ST13: variants seen among roughly 807,000 people sequenced by gnomAD.
ST13 encodes the protein hsc70-interacting protein.
In ST13, 23 loss-of-function variants were observed where a neutral mutation model predicts 56.7. The ratio of observed to expected loss-of-function variants is 0.41; its 90% CI spans 0.29 to 0.57. The LOEUF is 0.57. Ranked by LOEUF, ST13 falls within the 20% of genes least tolerant of loss-of-function variation. The pLI is 0.36. For synonymous variants in ST13, 132 were observed against 142.4 expected (o/e 0.93, Z 0.52); for missense variants, 369 against 459.9 (o/e 0.80, Z 1.81).
chr22:40,832,494 AC>A, intron 8 of ST13, 74 bp downstream of exon 8: 1 of 1,057,636 alleles, frequency 9.5e-7, no homozygotes, highest in South Asian at 1.3e-5. Context: ...CAGATGAATT[AC>A]AGCTGTCGGG....
At chr22:40,847,103 G>C (rs1303113150) in intron 3 of ST13, among the ~76,000 whole-genome samples, 1 of 152,138 alleles carries the variant, frequency 6.6e-6, no homozygotes, top group African/African-American at 2.4e-5. Context: ...AATTCATGAA[G>C]AAATTTAGTC....
At chr22:40,833,646 C>G (rs1024505453) in intron 7 of ST13, among the ~76,000 whole-genome samples, 2 of 151,738 alleles carry the variant, frequency 1.3e-5, no homozygotes, top group African/African-American at 4.8e-5. Flanking sequence ...GAGGCTGAGG[C>G]TGGTGGATCA....
chr22:40,842,707 C>G, intron 4 of ST13, among the ~76,000 whole-genome samples: 1 of 152,188 alleles, frequency 6.6e-6, no homozygotes, highest in Non-Finnish European at 1.5e-5. Context: ...GAATTTGATG[C>G]TCACTGAATC....
chr22:40,828,258 A>G (rs963973745), intron 10 of ST13, among the ~76,000 whole-genome samples: 1 of 152,182 alleles, frequency 6.6e-6, no homozygotes, highest in African/African-American at 2.4e-5. Flanking sequence ...CTGTTCTTCA[A>G]TATCATAAAC....
intron 1 of ST13, among the ~76,000 whole-genome samples, chr22:40,853,898 C>T (rs2057874946): frequency 6.6e-6 from 1 of 152,104 alleles, no homozygotes; most frequent in African/African-American, 2.4e-5. Context: ...ATGCTTCTGT[C>T]TCTAAAAAGG....
At chr22:40,836,461 A>C (rs933683686) in intron 5 of ST13, among the ~76,000 whole-genome samples, 1 of 152,138 alleles carries the variant, frequency 6.6e-6, no homozygotes, top group South Asian at 2.1e-4. Flanking sequence ...AAAAATAAAA[A>C]TAAAAGAAAA....
At chr22:40,844,460 T>A (rs1181878739) in intron 4 of ST13, among the ~76,000 whole-genome samples, 2 of 152,170 alleles carry the variant, frequency 1.3e-5, no homozygotes, top group African/African-American at 4.8e-5. Flanking sequence ...ATATAGAATT[T>A]TTTTTAAGCC....
At chr22:40,840,763 G>A (rs2057800469) in intron 4 of ST13, 71 bp from the exon 5 acceptor site, 1 of 1,305,098 alleles carries the variant, frequency 7.7e-7, no homozygotes, top group Non-Finnish European at 1.1e-6. Context: ...TACTTTCTTA[G>A]GGATGAGGCG....
chr22:40,836,324 C>A (rs901882210), intron 5 of ST13, among the ~76,000 whole-genome samples: 1 of 152,160 alleles, frequency 6.6e-6, no homozygotes, highest in Non-Finnish European at 1.5e-5. Flanking sequence ...GGGGGCGGAG[C>A]CCTGTAGTCC....
In ST13 at chr22:40,840,663, A is replaced by G; in HGVS notation, c.345T>C (p.Asn115=). ...EITEEMMDQA[N]DKKVAAIEAL... is the part of the protein sequence containing the mutation. ...CTTCAATAGCAGCCACTTTTTTATC[A>G]TTTGCCTGATCCATCATCTCCTCCG... The change falls in exon 5 of 12, where the codon AAT becomes AAC. Residue 115 remains asparagine, a synonymous_variant. Transcript: ENST00000216218. 6.2e-7 allele frequency: 1 copy of G among 1,610,650 alleles called. No homozygotes were observed. Among genetic ancestry groups the G allele is most frequent in the Non-Finnish European group, 8.5e-7 (1 of 1,179,290 alleles).
At position 40,841,561 on chromosome 22, in the gene ST13, C is replaced by G. The variant is rs192664847; in HGVS notation, c.316-869G>C. Among the ~76,000 whole-genome samples, 145 of 152,070 alleles carry G rather than the reference C, an allele frequency of 9.5e-4. 1 individual carries two copies. Among genetic ancestry groups the G allele is most frequent in the African/African-American group, 3.5e-3 (144 of 41,502 alleles). On this transcript the variant is annotated intron_variant, in intron 4 of 11. Transcript: ENST00000216218. ...GACCAACCTGGGCAATATGGCGAAA[C>G]TTCGTCTCTACAAAAAATAAAAAGA...
Position 40,826,510 on chromosome 22 carries a change from AG to A in ST13, c.*27del. 6.3e-7 allele frequency: 1 copy of A among 1,595,954 alleles called. No individual in the cohort carries two copies. Among genetic ancestry groups the A allele is most frequent in the South Asian group, 1.1e-5 (1 of 90,888 alleles). On this transcript the variant is annotated 3_prime_UTR_variant, in exon 12 of 12. Transcript: ENST00000216218. ...AGGTGATCTAGGTTGCTTTTCCTTC[AG>A]CAAGGGCTTTATTTATCAGAAGGAC... is the stretch of plus-strand genomic sequence containing the variant.
intron 4 of ST13, among the ~76,000 whole-genome samples, chr22:40,841,023 T>C (rs2057801928): frequency 6.6e-6 from 1 of 152,164 alleles, no homozygotes; most frequent in South Asian, 2.1e-4. Context: ...TAGCTCCTTT[T>C]AGGTTTAAAT....
chr22:40,836,590 T>C (rs739272), intron 5 of ST13, among the ~76,000 whole-genome samples: 18,244 of 152,240 alleles, frequency 0.12, 1,942 homozygotes, highest in African/African-American at 0.28. Flanking sequence ...GTAACCCATG[T>C]TAACTTCACA....
chr22:40,834,415 G>GT (rs1454058463), intron 7 of ST13, among the ~76,000 whole-genome samples: 1 of 152,110 alleles, frequency 6.6e-6, no homozygotes, highest in Admixed American at 6.5e-5. Flanking sequence ...GTAAGTAAAT[G>GT]TAAAACTAGG....
At chr22:40,850,979 A>T (rs2057858483) in intron 1 of ST13, 99 bp from the exon 2 acceptor site, 2 of 778,590 alleles carry the variant, frequency 2.6e-6, no homozygotes, top group South Asian at 2.0e-5. Flanking sequence ...CATTTAGATG[A>T]CTACCTTTTC....
At chr22:40,838,944 T>C (rs558467953) in intron 5 of ST13, among the ~76,000 whole-genome samples, 32 of 151,222 alleles carry the variant, frequency 2.1e-4, no homozygotes, top group African/African-American at 7.8e-4. Context: ...AACAGTAAAG[T>C]CTGACTGGAG....
chr22:40,841,242 T>C (rs965498500), intron 4 of ST13, among the ~76,000 whole-genome samples: 1 of 147,032 alleles, frequency 6.8e-6, no homozygotes, highest in Non-Finnish European at 1.5e-5. Flanking sequence ...TGGTGGCACA[T>C]GCATCTGGTC....
chr22:40,845,078 A>G (rs185330770), intron 3 of ST13, among the ~76,000 whole-genome samples, 169 bp from the exon 4 acceptor site: 8 of 152,326 alleles, frequency 5.3e-5, no homozygotes, highest in African/African-American at 1.9e-4. Context: ...GTAAGACTAC[A>G]CTTTACGTTA....
Sources: allele counts gnomAD v4.1 joint callset (sites outside exome capture counted in the v4.1 genomes callset), GRCh38; gene constraint gnomAD v4.1.1; transcripts MANE v1.5; gene names NCBI Gene and HGNC (gene_info 2026-07-23, HGNC 2026-07-21).